The following KCNT2 variants were observed in gnomAD, a reference collection of about 807,000 sequenced individuals.
KCNT2 encodes potassium sodium-activated channel subfamily T member 2.
Under a neutral mutation model 153.8 loss-of-function variants are expected in KCNT2, and 67 were observed. The ratio of observed to expected loss-of-function variants is 0.44; its 90% CI spans 0.36 to 0.53. The LOEUF is 0.53. KCNT2 is among the 20% of genes least tolerant of loss of function. The pLI is 0.00. For missense variants in KCNT2, 975 were observed against 1,354.8 expected, an observed-to-expected ratio of 0.72 and a Z score of 4.40; for synonymous variants, 500 against 458.8, an observed-to-expected ratio of 1.09 and a Z score of -1.15.
intron 1 of KCNT2, among the ~76,000 whole-genome samples, chr1:196,576,578 T>A (rs1284273911): frequency 1.3e-5 from 2 of 152,114 alleles, no homozygotes; most frequent in African/African-American, 4.8e-5. Flanking sequence ...AAAGTATGAA[T>A]AAACATATGT....
intron 17 of KCNT2, among the ~76,000 whole-genome samples, chr1:196,332,872 C>T (rs1664602979): frequency 6.6e-6 from 1 of 151,564 alleles, no homozygotes; most frequent in South Asian, 2.1e-4. Context: ...GCAACCTCCA[C>T]CTCCTGCGTT....
chr1:196,321,184 C>T (rs1041631051), intron 19 of KCNT2, among the ~76,000 whole-genome samples: 1 of 151,746 alleles, frequency 6.6e-6, no homozygotes, highest in East Asian at 1.9e-4. Flanking sequence ...AGGTACTGTC[C>T]TGCTTCTTAA....
chr1:196,229,794 A>G (rs1653791164), intron 27 of KCNT2, among the ~76,000 whole-genome samples: 1 of 152,128 alleles, frequency 6.6e-6, no homozygotes, highest in Admixed American at 6.6e-5. Context: ...CAAACCAGCT[A>G]CAACATTCCC....
At chr1:196,273,523 A>T in intron 25 of KCNT2, 1 of 1,505,500 alleles carries the variant, frequency 6.6e-7, no homozygotes, top group East Asian at 2.5e-5. Context: ...AACACACAAA[A>T]CACAGTTTAA....
At chr1:196,343,655 T>A (rs893856539) in intron 14 of KCNT2, among the ~76,000 whole-genome samples, 4 of 152,204 alleles carry the variant, frequency 2.6e-5, no homozygotes, top group Admixed American at 6.5e-5. Flanking sequence ...GTATGCCTCA[T>A]TGCTGCCTCA....
At chr1:196,315,776 A>G (rs1662651968) in intron 21 of KCNT2, 116 bp downstream of exon 21, 1 of 875,280 alleles carries the variant, frequency 1.1e-6, no homozygotes, top group Non-Finnish European at 1.7e-6. Context: ...AAAAAAATGA[A>G]TAAATGAACA....
Position 196,287,249 on chromosome 1 carries a change from G to A in KCNT2, c.2596-1491C>T, listed in dbSNP as rs74133656. ...GAACAGCTCATGTGAGTGGCTTGCA[G>A]ATGACTGGAGTTAGCTGTTCTTATT... On this transcript the variant is annotated intron_variant, in intron 22 of 27. Coordinates refer to ENST00000294725, the MANE Select transcript of KCNT2 (RefSeq NM_198503.5). Among the ~76,000 whole-genome samples the A allele has an allele frequency of 5.6e-3, 858 of 152,140 alleles. 13 individuals are homozygous for A. Among genetic ancestry groups the A allele is most frequent in the African/African-American group, 0.019 (809 of 41,536 alleles).
At chr1:196,500,205 GGAGA>G (rs1209616983) in intron 1 of KCNT2, among the ~76,000 whole-genome samples, 14 of 129,690 alleles carry the variant, frequency 1.1e-4, no homozygotes, top group South Asian at 5.1e-4. Context: ...GGAAGGAGGG[GGAGA>G]GAGAGAGAGA....
chr1:196,472,105 C>T (rs910232568), intron 5 of KCNT2, among the ~76,000 whole-genome samples: 30 of 152,254 alleles, frequency 2.0e-4, no homozygotes, highest in Non-Finnish European at 3.8e-4. Context: ...ACCTTCAATA[C>T]TAATCTCCTT....
At position 196,398,563 on chromosome 1, in the gene KCNT2, C is replaced by T. The variant is rs1190036985; in HGVS notation, c.1294G>A (p.Asp432Asn). Residue 432 changes from aspartate (D) to asparagine (N), a missense_variant and splice_region_variant, in exon 13 of 28, where the codon GAT (aspartate) becomes AAT (asparagine). By Grantham distance (23) the Asp-to-Asn change is conservative. Around this residue, in one of 6 missense-constraint regions of KCNT2, gnomAD observed 202 missense variants for 314.9 expected, o/e 0.64. Transcript: ENST00000294725. ...PENKFHIKFA[D>N]HVVCEEEFKY... ...GATCTCATGCAAGATAAAAACTTAC[C>T]AGCAAATTTGATGTGAAATTTATTT... is the stretch of plus-strand genomic sequence containing the variant. 6.4e-7 allele frequency: 1 copy of T among 1,551,108 alleles called. No individual in the cohort carries two copies. Among genetic ancestry groups the T allele is most frequent in the Non-Finnish European group, 8.9e-7 (1 of 1,125,634 alleles).
At chr1:196,314,722 T>C (rs1323370015) in intron 21 of KCNT2, among the ~76,000 whole-genome samples, 1 of 151,682 alleles carries the variant, frequency 6.6e-6, no homozygotes, top group East Asian at 1.9e-4. Context: ...ACAAAGTTAG[T>C]GACTGTCAGC....
At chr1:196,267,817 T>C (rs1657692852) in intron 25 of KCNT2, among the ~76,000 whole-genome samples, 1 of 152,102 alleles carries the variant, frequency 6.6e-6, no homozygotes, top group African/African-American at 2.4e-5. Context: ...AAAGACTCTA[T>C]AGGAAAGGGC....
intron 22 of KCNT2, among the ~76,000 whole-genome samples, chr1:196,297,903 T>C (rs1350551245): frequency 6.6e-6 from 1 of 152,192 alleles, no homozygotes; most frequent in Non-Finnish European, 1.5e-5. Flanking sequence ...TTATTCAATG[T>C]TGTAATGCCT....
intron 24 of KCNT2, among the ~76,000 whole-genome samples, chr1:196,281,518 A>G (rs1659093567): frequency 6.6e-6 from 1 of 152,182 alleles, no homozygotes. Flanking sequence ...AATAATGCCT[A>G]TATTGAGAAA....
At chr1:196,426,744 C>T (rs749041911) in intron 10 of KCNT2, among the ~76,000 whole-genome samples, 2 of 151,286 alleles carry the variant, frequency 1.3e-5, no homozygotes, top group Non-Finnish European at 2.9e-5. Flanking sequence ...GATTTGCGTC[C>T]CTGTCCAAAC....
At chr1:196,291,530 C>T (rs1660184450) in intron 22 of KCNT2, among the ~76,000 whole-genome samples, 1 of 151,930 alleles carries the variant, frequency 6.6e-6, no homozygotes, top group African/African-American at 2.4e-5. Flanking sequence ...GCTGAATTTA[C>T]ATATGAGAAA....
chr1:196,435,845 C>G (rs956019691), intron 8 of KCNT2, among the ~76,000 whole-genome samples: 4 of 151,582 alleles, frequency 2.6e-5, no homozygotes, highest in African/African-American at 9.7e-5. Context: ...AACTACTTCC[C>G]TTTTTATTAT....
chr1:196,591,456 G>A lies in KCNT2; in HGVS notation c.95+16759C>T, dbSNP rs542659472. On this transcript the variant is annotated intron_variant, in intron 1 of 27. Coordinates refer to ENST00000294725, the MANE Select transcript of KCNT2 (RefSeq NM_198503.5). Reference sequence around the variant, plus strand: ...AACACACTTGTCATATACCACCCCCGCACCAAAAATACCAAGACTTCCTCA... The same window carrying A: ...AACACACTTGTCATATACCACCCCCACACCAAAAATACCAAGACTTCCTCA... 5.9e-5 allele frequency among the ~76,000 whole-genome samples: 9 copies of A among 152,048 alleles called. No homozygotes were observed. In the South Asian group the frequency reaches 1.5e-3, roughly 25 times the overall value.
intron 1 of KCNT2, among the ~76,000 whole-genome samples, chr1:196,549,033 T>C (rs971796374): frequency 1.3e-5 from 2 of 151,886 alleles, no homozygotes; most frequent in Non-Finnish European, 2.9e-5. Context: ...AGGGATAGCA[T>C]TGGGAGATAT....
Sources: allele counts gnomAD v4.1 joint callset (sites outside exome capture counted in the v4.1 genomes callset), GRCh38; gene constraint gnomAD v4.1.1; regional missense constraint gnomAD v4.1.1; transcripts MANE v1.5; gene names NCBI Gene and HGNC (gene_info 2026-07-23, HGNC 2026-07-21).